THSD4: variants seen among roughly 807,000 people sequenced by gnomAD.
THSD4 encodes thrombospondin type-1 domain-containing protein 4.
A neutral mutation model predicts 119.0 loss-of-function variants in THSD4; 69 were observed. The ratio of observed to expected loss-of-function variants is 0.58; its 90% CI spans 0.48 to 0.71. THSD4 has a LOEUF of 0.71. THSD4 is among the 30% of genes least tolerant of loss of function. THSD4 has a pLI of 0.00. For synonymous variants in THSD4, 524 were observed against 540.4 expected, an observed-to-expected ratio of 0.97 and a Z score of 0.42; for missense variants, 1,393 against 1,391.1, an observed-to-expected ratio of 1.00 and a Z score of -0.02.
In THSD4 at chr15:71,346,043, C is replaced by T. The variant is rs572093137; in HGVS notation, c.1016-65644C>T. On this transcript the variant is annotated intron_variant, in intron 6 of 17. Transcript: ENST00000261862. ...CAGTCCCCAAACATTCAAGTTTCACCAGTTGTCCTGAGTGTCCCAATAATG... is the reference window on the plus strand; with the variant it reads ...CAGTCCCCAAACATTCAAGTTTCACTAGTTGTCCTGAGTGTCCCAATAATG... Among the ~76,000 whole-genome samples the T allele has an allele frequency of 1.5e-3, 229 of 152,242 alleles. 2 individuals are homozygous for T. Among genetic ancestry groups the T allele is most frequent in the African/African-American group, 5.3e-3 (220 of 41,548 alleles).
At chr15:71,359,943 T>A (rs1267059040) in intron 6 of THSD4, among the ~76,000 whole-genome samples, 1 of 152,210 alleles carries the variant, frequency 6.6e-6, no homozygotes, top group Non-Finnish European at 1.5e-5. Flanking sequence ...CCTCTGTGTT[T>A]TAGCTGTCTA....
At chr15:71,235,092 T>C (rs951239481) in intron 4 of THSD4, among the ~76,000 whole-genome samples, 1 of 152,344 alleles carries the variant, frequency 6.6e-6, no homozygotes, top group Admixed American at 6.5e-5. Flanking sequence ...CCCTTGATAG[T>C]CATTGTGAAT....
chr15:71,337,803 G>A (rs142397997), intron 6 of THSD4, among the ~76,000 whole-genome samples: 3 of 152,188 alleles, frequency 2.0e-5, no homozygotes, highest in East Asian at 3.9e-4. Flanking sequence ...CTTGAGTAAA[G>A]GTTAGGAAAG....
intron 1 of THSD4, among the ~76,000 whole-genome samples, chr15:71,107,395 G>GAAAGAAAGAAAGCAAAAGA (rs1301146619): frequency 6.7e-6 from 1 of 149,370 alleles, no homozygotes; most frequent in South Asian, 2.1e-4. Flanking sequence ...AAAAAGAAAA[G>GAAAGAAAGAAAGCAAAAGA]AAAGAAAGAA....
At chr15:71,624,950 A>G (rs1010538289) in intron 7 of THSD4, among the ~76,000 whole-genome samples, 25 of 152,210 alleles carry the variant, frequency 1.6e-4, no homozygotes, top group African/African-American at 5.8e-4. Context: ...GGATCCAGGC[A>G]TACTTATTTT....
At chr15:71,321,460 T>C (rs769981244) in intron 6 of THSD4, among the ~76,000 whole-genome samples, 7 of 152,114 alleles carry the variant, frequency 4.6e-5, no homozygotes, top group Non-Finnish European at 1.0e-4. Flanking sequence ...CGCTTGAACC[T>C]AGGAGACAGA....
rs2140262401 is a variant in THSD4, at chr15:71,778,141, G to T, written c.*767G>T. 1 of 152,310 alleles carries T rather than the reference G, an allele frequency of 6.6e-6. No homozygotes were observed. Among genetic ancestry groups the T allele is most frequent in the South Asian group, 2.1e-4 (1 of 4,824 alleles). 9.4% of individuals were successfully genotyped at this position (152,310 alleles called of 1,614,324 possible). ...CAGTCATCTACCAGTATCCAGCCTG[G>T]GGCCTGTACTTAGATGTGAAAGGTG... On this transcript the variant is annotated 3_prime_UTR_variant, in exon 18 of 18. Transcript: ENST00000261862.
chr15:71,335,493 TTGTC>T (rs2045478665), intron 6 of THSD4, among the ~76,000 whole-genome samples: 1 of 152,206 alleles, frequency 6.6e-6, no homozygotes, highest in Non-Finnish European at 1.5e-5. Context: ...TTCACAGAGT[TTGTC>T]TGGACCCCTT....
At chr15:71,337,459 G>A (rs564587519) in intron 6 of THSD4, among the ~76,000 whole-genome samples, 1 of 152,346 alleles carries the variant, frequency 6.6e-6, no homozygotes, top group African/African-American at 2.4e-5. Context: ...TACTTGCCTT[G>A]TGAGCCAAAC....
At chr15:71,491,351 G>C (rs557755225) in intron 7 of THSD4, among the ~76,000 whole-genome samples, 1 of 152,158 alleles carries the variant, frequency 6.6e-6, no homozygotes, top group South Asian at 2.1e-4. Flanking sequence ...ATCCAACTAC[G>C]GTATTTGAGA....
intron 7 of THSD4, among the ~76,000 whole-genome samples, chr15:71,506,531 C>A (rs112067994): frequency 0.014 from 2,122 of 152,322 alleles, 18 homozygotes; most frequent in Middle Eastern, 0.051. Context: ...CTTTGTCGAA[C>A]CTTTAGTCCC....
intron 3 of THSD4, among the ~76,000 whole-genome samples, chr15:71,161,273 A>G (rs982410601): frequency 1.1e-4 from 17 of 152,196 alleles, no homozygotes; most frequent in Middle Eastern, 3.4e-3. Context: ...CATTTGGTCT[A>G]TGGTGCAGTG....
intron 7 of THSD4, among the ~76,000 whole-genome samples, chr15:71,424,090 T>C (rs2046840729): frequency 6.6e-6 from 1 of 152,192 alleles, no homozygotes; most frequent in African/African-American, 2.4e-5. Flanking sequence ...CTGTCTTTCC[T>C]ACCCTCTTTA....
intron 6 of THSD4, among the ~76,000 whole-genome samples, chr15:71,299,975 AAATATATATATATAT>A (rs1207621550): frequency 8.7e-5 from 2 of 22,962 alleles, no homozygotes; most frequent in Admixed American, 6.3e-4. Flanking sequence ...AAAAAAAAAA[AAATATATATATATAT>A]ATATATATAT....
chr15:71,575,152 C>T (rs1287318737), intron 7 of THSD4, among the ~76,000 whole-genome samples: 3 of 152,180 alleles, frequency 2.0e-5, no homozygotes, highest in African/African-American at 7.2e-5. Flanking sequence ...ACCTAGACTT[C>T]TCTAAAGCTG....
intron 7 of THSD4, among the ~76,000 whole-genome samples, chr15:71,608,223 A>C (rs2050148097): frequency 2.3e-5 from 1 of 42,700 alleles, no homozygotes; most frequent in South Asian, 1.9e-3. Context: ...ACTCTGTCTC[A>C]AAAAAAAAAA....
intron 7 of THSD4, among the ~76,000 whole-genome samples, chr15:71,489,434 G>A (rs1028215710): frequency 2.6e-5 from 4 of 152,006 alleles, no homozygotes; most frequent in Non-Finnish European, 4.4e-5. Flanking sequence ...ATCTCAGGCC[G>A]ACAACCCCCA....
chr15:71,312,731 T>C (rs2045129115), intron 6 of THSD4, among the ~76,000 whole-genome samples: 2 of 152,056 alleles, frequency 1.3e-5, no homozygotes, highest in Non-Finnish European at 2.9e-5. Flanking sequence ...CTAGCACGAC[T>C]CGGGCTCCCA....
At chr15:71,704,612 G>A (rs1053882216) in intron 8 of THSD4, among the ~76,000 whole-genome samples, 1 of 152,192 alleles carries the variant, frequency 6.6e-6, no homozygotes, top group Non-Finnish European at 1.5e-5. Context: ...TTAGCAGCAT[G>A]AGAACAGACT....
Sources: gnomAD v4.1 joint callset for allele counts (sites outside exome capture counted in the v4.1 genomes callset) on GRCh38, gnomAD v4.1.1 for gene constraint, MANE v1.5 for transcripts, NCBI Gene and HGNC (gene_info 2026-07-23, HGNC 2026-07-21) for gene names.